Variants in NDRG3 observed in about 807,000 individuals in gnomAD.
NDRG3 encodes the protein protein NDRG3.
A neutral mutation model predicts 57.2 loss-of-function variants in NDRG3; 23 were observed. That is an observed-to-expected ratio of 0.40 (90% CI 0.29 to 0.57). The LOEUF (loss-of-function observed/expected upper bound fraction) is 0.57, where lower values mean the gene tolerates loss of function less well. Ranked by LOEUF, NDRG3 falls within the 20% of genes least tolerant of loss-of-function variation. The probability of loss-of-function intolerance (pLI) is 0.42; values close to 1 mark genes in which losing one functional copy is unlikely to be tolerated. For missense variants in NDRG3, 384 were observed against 457.3 expected (o/e 0.84, Z 1.46); for synonymous variants, 132 against 162.6 (o/e 0.81, Z 1.43).
chr20:36,702,375 A>T (rs1038132398), intron 3 of NDRG3, among the ~76,000 whole-genome samples: 1 of 152,014 alleles, frequency 6.6e-6, no homozygotes. Flanking sequence ...TGACCTCATG[A>T]TCCGCCCACC....
At chr20:36,730,531 C>T (rs1252182656) in intron 1 of NDRG3, among the ~76,000 whole-genome samples, 1 of 151,428 alleles carries the variant, frequency 6.6e-6, no homozygotes, top group Non-Finnish European at 1.5e-5. Flanking sequence ...ACTGGAGAAA[C>T]AAAATAGTTT....
chr20:36,744,418 T>C (rs1023002774), intron 1 of NDRG3, among the ~76,000 whole-genome samples: 1 of 152,086 alleles, frequency 6.6e-6, no homozygotes, highest in Non-Finnish European at 1.5e-5. Flanking sequence ...AACTGAGTCC[T>C]TACCAAGGAT....
chr20:36,734,418 T>C (rs1378467665), intron 1 of NDRG3, among the ~76,000 whole-genome samples: 1 of 152,204 alleles, frequency 6.6e-6, no homozygotes, highest in Non-Finnish European at 1.5e-5. Flanking sequence ...CACTCCGCAC[T>C]GAACATGTCT....
intron 1 of NDRG3, among the ~76,000 whole-genome samples, chr20:36,745,436 AC>A (rs1294021398): frequency 2.0e-5 from 3 of 152,076 alleles, no homozygotes; most frequent in Non-Finnish European, 4.4e-5. Context: ...AGAGCCCGAG[AC>A]CCTGAGTTGA....
At chr20:36,726,178 C>A (rs1260971569) in intron 1 of NDRG3, among the ~76,000 whole-genome samples, 1 of 152,204 alleles carries the variant, frequency 6.6e-6, no homozygotes, top group Non-Finnish European at 1.5e-5. Flanking sequence ...CCTGCCTTGG[C>A]TTCCCAAAGT....
chr20:36,718,025 A>G (rs1984374620), intron 2 of NDRG3, among the ~76,000 whole-genome samples: 1 of 152,240 alleles, frequency 6.6e-6, no homozygotes, highest in Non-Finnish European at 1.5e-5. Flanking sequence ...GGAGTAAGCT[A>G]CTTCACCTTT....
intron 1 of NDRG3, among the ~76,000 whole-genome samples, chr20:36,726,951 C>G (rs1398730994): frequency 2.1e-5 from 3 of 144,754 alleles, no homozygotes; most frequent in African/African-American, 5.2e-5. Flanking sequence ...GAGTCTTGCT[C>G]TGTTGCCCAG....
At chr20:36,721,527 C>CAAA in intron 2 of NDRG3, 152 bp downstream of exon 2, 1 of 449,058 alleles carries the variant, frequency 2.2e-6, no homozygotes, top group Non-Finnish European at 3.8e-6. Flanking sequence ...GACACCGTCT[C>CAAA]AAAAAAAAAA....
At chr20:36,741,800 C>A (rs1170109754) in intron 1 of NDRG3, among the ~76,000 whole-genome samples, 1 of 152,176 alleles carries the variant, frequency 6.6e-6, no homozygotes, top group Non-Finnish European at 1.5e-5. Context: ...ACTGCAAATT[C>A]TCGGATTCCA....
chr20:36,699,220 C>T (rs1054862758), intron 3 of NDRG3, among the ~76,000 whole-genome samples: 1 of 152,140 alleles, frequency 6.6e-6, no homozygotes, highest in Non-Finnish European at 1.5e-5. Context: ...AGCGCTACTA[C>T]AGGCATGAGC....
intron 3 of NDRG3, among the ~76,000 whole-genome samples, chr20:36,697,694 G>A (rs1419628934): frequency 7.0e-6 from 1 of 143,666 alleles, no homozygotes; most frequent in South Asian, 2.2e-4. Context: ...GGCAACAAAA[G>A]CAAAACTCTG....
intron 8 of NDRG3, among the ~76,000 whole-genome samples, chr20:36,675,059 ATTTTT>A (rs34154196): frequency 2.0e-5 from 2 of 101,208 alleles, no homozygotes; most frequent in Non-Finnish European, 2.0e-5. Flanking sequence ...CACAACTGGC[ATTTTT>A]TTTTTTTTTT....
chr20:36,712,587 A>ATATATATATT (rs57260715), intron 2 of NDRG3, among the ~76,000 whole-genome samples: 5 of 5,912 alleles, frequency 8.5e-4, no homozygotes, highest in Admixed American at 3.5e-3. Flanking sequence ...ATATATATAT[A>ATATATATATT]TTTTTTTTTT....
intron 9 of NDRG3, chr20:36,668,744 C>T (rs1169062304): frequency 1.3e-5 from 2 of 151,072 alleles, no homozygotes; most frequent in East Asian, 3.9e-4. Context: ...TTAAATTAAA[C>T]ATATATTTTT....
chr20:36,673,741 A>C (rs769999826), intron 8 of NDRG3, among the ~76,000 whole-genome samples: 4 of 152,314 alleles, frequency 2.6e-5, no homozygotes, highest in South Asian at 4.1e-4. Flanking sequence ...GTGTAATTTT[A>C]AGTAAATAAT....
At chr20:36,707,947 T>C (rs906395321) in intron 2 of NDRG3, among the ~76,000 whole-genome samples, 4 of 151,596 alleles carry the variant, frequency 2.6e-5, no homozygotes, top group African/African-American at 4.9e-5. Flanking sequence ...AGCCGGGTGT[T>C]GTGGTGTGCA....
At chr20:36,698,570 T>C (rs555459667) in intron 3 of NDRG3, among the ~76,000 whole-genome samples, 79 of 151,738 alleles carry the variant, frequency 5.2e-4, no homozygotes, top group Non-Finnish European at 7.8e-4. Flanking sequence ...AGCAAGACCC[T>C]TTCTTAAAAA....
rs574429034 is a variant in NDRG3 at position 36,680,359 on chromosome 20, C to T, written c.531+457G>A. On this transcript the variant is annotated intron_variant, in intron 8 of 15. Transcript: ENST00000349004. ...AAAATTAGCCGGGCATGGTGGTGGG[C>T]ACCTGTAATCCCAGCCACTCGGGAG... 7.7e-4 allele frequency among the ~76,000 whole-genome samples: 117 copies of T among 151,586 alleles called. 1 individual carries two copies. The highest frequency in any genetic ancestry group is 2.8e-3 in the African/African-American group (114 of 41,368).
intron 1 of NDRG3, among the ~76,000 whole-genome samples, chr20:36,732,517 T>C (rs1206445229): frequency 3.3e-5 from 5 of 152,152 alleles, no homozygotes; most frequent in Non-Finnish European, 7.4e-5. Flanking sequence ...CAAAGCATTT[T>C]CCCTTTCTGG....
Sources: gnomAD v4.1 joint callset for allele counts (sites outside exome capture counted in the v4.1 genomes callset) on GRCh38, gnomAD v4.1.1 for gene constraint, MANE v1.5 for transcripts, NCBI Gene and HGNC (gene_info 2026-07-23, HGNC 2026-07-21) for gene names.